The following STK32A variants were observed in gnomAD, a reference collection of about 807,000 sequenced individuals.
STK32A encodes serine/threonine kinase 32A.
A neutral mutation model predicts 53.2 loss-of-function variants in STK32A; 41 were observed. The ratio of observed to expected loss-of-function variants is 0.77; its 90% CI spans 0.60 to 1.00. The LOEUF (loss-of-function observed/expected upper bound fraction) is 1.00. Among genes scored for constraint, STK32A ranks in the 50% least tolerant of loss-of-function variants. STK32A has a pLI of 0.00. For missense variants in STK32A, 458 were observed against 485.8 expected (o/e 0.94, Z 0.54); for synonymous variants, 166 against 162.8 (o/e 1.02, Z -0.15).
At chr5:147,280,578 C>T (rs1206906947) in intron 4 of STK32A, among the ~76,000 whole-genome samples, 1 of 151,898 alleles carries the variant, frequency 6.6e-6, no homozygotes, top group Non-Finnish European at 1.5e-5. Flanking sequence ...CTCCTAGGTA[C>T]ACAACTCCAG....
intron 9 of STK32A, 110 bp from the exon 10 acceptor site, chr5:147,373,059 G>C: frequency 6.8e-6 from 9 of 1,327,886 alleles, no homozygotes; most frequent in South Asian, 6.7e-5. Context: ...AGGGGACACT[G>C]TCTATTTTCC....
chr5:147,321,539 C>T (rs997258863), intron 4 of STK32A, among the ~76,000 whole-genome samples: 1 of 152,196 alleles, frequency 6.6e-6, no homozygotes, highest in Non-Finnish European at 1.5e-5. Context: ...CCTCTTCTGT[C>T]TTTGATTAAT....
chr5:147,282,028 A>G (rs1752087020), intron 4 of STK32A, among the ~76,000 whole-genome samples: 2 of 152,244 alleles, frequency 1.3e-5, no homozygotes, highest in Admixed American at 6.5e-5. Context: ...AAGGAAAGAT[A>G]CAGTCATTTT....
chr5:147,303,342 C>T (rs957637437), intron 4 of STK32A, among the ~76,000 whole-genome samples: 4 of 152,144 alleles, frequency 2.6e-5, no homozygotes, highest in Non-Finnish European at 4.4e-5. Context: ...CCATCTAGGC[C>T]TTGAAGGCGG....
chr5:147,319,943 G>A (rs1046964937), intron 4 of STK32A, among the ~76,000 whole-genome samples: 2 of 152,040 alleles, frequency 1.3e-5, no homozygotes, highest in African/African-American at 2.4e-5. Flanking sequence ...CTACTATCAT[G>A]GTTTTCAAGC....
downstream of STK32A, among the ~76,000 whole-genome samples, chr5:147,388,654 T>C (rs1255017489): frequency 6.6e-6 from 1 of 152,074 alleles, no homozygotes; most frequent in Non-Finnish European, 1.5e-5. Context: ...TTGTGATGGG[T>C]TGGTGGTAGA....
intron 5 of STK32A, among the ~76,000 whole-genome samples, chr5:147,337,953 G>A (rs776808089): frequency 1.3e-5 from 2 of 152,098 alleles, no homozygotes; most frequent in African/African-American, 4.8e-5. Context: ...TATTGGTGTG[G>A]GACGGATGAA....
intron 2 of STK32A, among the ~76,000 whole-genome samples, chr5:147,241,303 C>T (rs1188464388): frequency 6.6e-6 from 1 of 152,124 alleles, no homozygotes; most frequent in African/African-American, 2.4e-5. Flanking sequence ...ACGGTGAAAC[C>T]CCGTCTCTAC....
Position 147,384,994 on chromosome 5 carries a change from C to G in STK32A, c.*1011C>G, listed in dbSNP as rs1581162066. 6.6e-6 allele frequency: 1 copy of G among 152,164 alleles called. No homozygotes were observed. Among genetic ancestry groups the G allele is most frequent in the East Asian group, 1.9e-4 (1 of 5,188 alleles). The allele number at this position is 152,164 out of a possible 1,614,324, so 9.4% of individuals were successfully genotyped here. On this transcript the variant is annotated 3_prime_UTR_variant, in exon 13 of 13. Coordinates refer to ENST00000397936, the MANE Select transcript of STK32A (RefSeq NM_001112724.2). ...GGGAAGTATCTTTTCTCAGTAAAGC[C>G]CAATACAGTGTCACCTTTCACTAAT...
chr5:147,286,828 T>C (rs1048739554), intron 4 of STK32A, among the ~76,000 whole-genome samples: 1 of 152,156 alleles, frequency 6.6e-6, no homozygotes, highest in Non-Finnish European at 1.5e-5. Flanking sequence ...TTTTTAAACA[T>C]TGTAATTAAA....
chr5:147,251,216 T>C (rs949272485), intron 2 of STK32A, among the ~76,000 whole-genome samples: 2 of 152,196 alleles, frequency 1.3e-5, no homozygotes, highest in Non-Finnish European at 2.9e-5. Flanking sequence ...TGGGTTTTAA[T>C]GCTCTGCACT....
intron 2 of STK32A, among the ~76,000 whole-genome samples, chr5:147,267,006 G>A (rs2151949530): frequency 6.8e-6 from 1 of 147,436 alleles, no homozygotes; most frequent in Admixed American, 6.9e-5. Flanking sequence ...TCCAGCCTGG[G>A]CAACAAGATT....
Position 147,384,145 on chromosome 5 carries a change from G to T in STK32A, c.*162G>T. 3 of 1,463,206 alleles carry T rather than the reference G, an allele frequency of 2.1e-6. No individual in the cohort carries two copies. Among genetic ancestry groups the T allele is most frequent in the Non-Finnish European group, 2.7e-6 (3 of 1,121,036 alleles). 90.6% of individuals were successfully genotyped at this position (1,463,206 alleles called of 1,614,324 possible). A position where few individuals can be genotyped will look rare whatever the true frequency, so the allele number is the denominator to read the frequency against. Reference sequence around the variant, plus strand: ...CAGCACAACACAGTGAAGGGTCCTGGGCCTGAGCTCCTGGGATGTCATTTC... The same window carrying T: ...CAGCACAACACAGTGAAGGGTCCTGTGCCTGAGCTCCTGGGATGTCATTTC... On this transcript the variant is annotated 3_prime_UTR_variant, in exon 13 of 13. Coordinates refer to ENST00000397936, the MANE Select transcript of STK32A (RefSeq NM_001112724.2).
chr5:147,313,674 C>T (rs58527705), intron 4 of STK32A, among the ~76,000 whole-genome samples: 5,161 of 152,226 alleles, frequency 0.034, 308 homozygotes, highest in African/African-American at 0.12. Context: ...TTTTCAGTTT[C>T]GAAAGTTGTT....
chr5:147,335,711 A>G (rs777559836), intron 5 of STK32A, among the ~76,000 whole-genome samples: 2 of 152,216 alleles, frequency 1.3e-5, no homozygotes, highest in Admixed American at 6.5e-5. Flanking sequence ...ACTCCTACTT[A>G]GGCCTGACTC....
At chr5:147,297,565 A>G (rs1752924683) in intron 4 of STK32A, among the ~76,000 whole-genome samples, 1 of 152,120 alleles carries the variant, frequency 6.6e-6, no homozygotes, top group Non-Finnish European at 1.5e-5. Context: ...CTCATTTCAG[A>G]TCTGATCACA....
chr5:147,267,154 A>C lies in STK32A; in HGVS notation c.53-10970A>C, dbSNP rs1754848713. ...TTATTGAGTTCCTATTCTCTGCCAA[A>C]AATGGTTGATAAGCACCTTTGATAT... On this transcript the variant is annotated intron_variant, in intron 2 of 12. Coordinates refer to ENST00000397936, the MANE Select transcript of STK32A (RefSeq NM_001112724.2). Among the ~76,000 whole-genome samples, 4 of 152,230 alleles carry C rather than the reference A, an allele frequency of 2.6e-5. No homozygotes were observed. In the South Asian group the frequency reaches 8.3e-4, roughly 32 times the overall value.
At chr5:147,329,549 A>G (rs1301307592) in intron 5 of STK32A, among the ~76,000 whole-genome samples, 2 of 152,270 alleles carry the variant, frequency 1.3e-5, no homozygotes, top group Non-Finnish European at 2.9e-5. Flanking sequence ...ATTAATATCA[A>G]AAGGCTTTTA....
chr5:147,243,509 C>G lies in STK32A; in HGVS notation c.52+3823C>G, dbSNP rs1251413493. ...ATCCCAGCACTTCAGGAGGCCGAGG[C>G]GGGCAGATCACGAGGTCAAGAGATC... On this transcript the variant is annotated intron_variant, in intron 2 of 12. Transcript: ENST00000397936. Among the ~76,000 whole-genome samples the G allele has an allele frequency of 3.7e-5, 2 of 54,174 alleles. 1 individual carries two copies. Among genetic ancestry groups the G allele is most frequent in the Non-Finnish European group, 8.4e-5 (2 of 23,758 alleles). The allele number at this position is 54,174 out of a possible 152,430, so 35.5% of individuals were successfully genotyped here. A position where few individuals can be genotyped will look rare whatever the true frequency, so the allele number is the denominator to read the frequency against.
Sources: allele counts gnomAD v4.1 joint callset (sites outside exome capture counted in the v4.1 genomes callset), GRCh38; gene constraint gnomAD v4.1.1; transcripts MANE v1.5; gene names NCBI Gene and HGNC (gene_info 2026-07-23, HGNC 2026-07-21).